The following DMD variants were observed in gnomAD, a reference collection of about 807,000 sequenced individuals.
DMD encodes dystrophin.
In DMD, 63 loss-of-function variants were observed where a neutral mutation model predicts 330.1. That is an observed-to-expected ratio of 0.19 (90% confidence interval 0.16 to 0.24). DMD has a LOEUF of 0.24. Ranked by LOEUF, DMD falls within the 10% of genes least tolerant of loss-of-function variation. DMD has a pLI of 1.00. For missense variants in DMD, 3,344 were observed against 2,684.1 expected (o/e 1.25, Z -5.43); for synonymous variants, 1,223 against 959.8 (o/e 1.27, Z -5.07).
At chrX:31,714,125 C>T (rs5025352) in intron 52 of DMD, among the ~76,000 whole-genome samples, 6,430 of 111,215 alleles carry the variant, frequency 0.058, 359 homozygotes, top group Admixed American at 0.26. Flanking sequence ...CTGCCATAAG[C>T]TTGAAGGTGA....
chrX:33,179,872 G>T (rs1184845019), intron 1 of DMD, among the ~76,000 whole-genome samples: 1 of 101,292 alleles, frequency 9.9e-6, no homozygotes, highest in Non-Finnish European at 2.0e-5. Context: ...ATGGAGTTTC[G>T]CTCTTGTCGC....
At chrX:32,746,095 CTT>C (rs1386577818) in intron 7 of DMD, among the ~76,000 whole-genome samples, 1 of 112,213 alleles carries the variant, frequency 8.9e-6, no homozygotes, top group African/African-American at 3.2e-5. Flanking sequence ...TTGAAAGTCT[CTT>C]ATCATTCTAC....
chrX:32,886,463 T>G (rs1458002567), intron 2 of DMD, among the ~76,000 whole-genome samples: 5 of 110,252 alleles, frequency 4.5e-5, no homozygotes, highest in African/African-American at 1.6e-4. Context: ...GTGGGAAGAT[T>G]ACAAGGTCAG....
At chrX:31,920,488 G>A (rs1458749670) in intron 47 of DMD, among the ~76,000 whole-genome samples, 1 of 111,975 alleles carries the variant, frequency 8.9e-6, no homozygotes, top group South Asian at 3.7e-4. Context: ...TCTAGTCTCA[G>A]GGTTGGTGCT....
intron 15 of DMD, 116 bp downstream of exon 15, chrX:32,573,414 T>C: frequency 1.6e-6 from 1 of 614,629 alleles, no homozygotes; most frequent in Non-Finnish European, 2.6e-6. Context: ...TTGAATAATC[T>C]ATGATCCAAG....
intron 1 of DMD, among the ~76,000 whole-genome samples, chrX:33,251,615 G>T (rs1413504660): frequency 8.9e-6 from 1 of 112,003 alleles, no homozygotes; most frequent in Non-Finnish European, 1.9e-5. Flanking sequence ...CAGGTATATA[G>T]TGTTACATGC....
intron 54 of DMD, among the ~76,000 whole-genome samples, chrX:31,638,752 T>C (rs1291699307): frequency 8.9e-6 from 1 of 112,579 alleles, no homozygotes; most frequent in Non-Finnish European, 1.9e-5. Flanking sequence ...CTTCAATAAA[T>C]GGGTTCATAT....
intron 11 of DMD, among the ~76,000 whole-genome samples, chrX:32,620,905 A>G (rs1346379150): frequency 1.8e-5 from 2 of 112,064 alleles, no homozygotes; most frequent in Non-Finnish European, 3.8e-5. Context: ...CAGAACACAC[A>G]GCCTAAGAGT....
chrX:33,198,509 T>A (rs2051085286), intron 1 of DMD, among the ~76,000 whole-genome samples: 1 of 111,722 alleles, frequency 9.0e-6, no homozygotes, highest in South Asian at 3.7e-4. Flanking sequence ...TTAACCAAAA[T>A]GAAAGTGCTT....
intron 43 of DMD, among the ~76,000 whole-genome samples, chrX:32,231,235 G>A (rs771995663): frequency 8.9e-6 from 1 of 112,539 alleles, no homozygotes; most frequent in East Asian, 2.8e-4. Flanking sequence ...AGGAAAATGA[G>A]ATGAAAAAGC....
intron 44 of DMD, among the ~76,000 whole-genome samples, chrX:32,034,790 TG>T (rs1297571333): frequency 8.9e-6 from 1 of 111,805 alleles, no homozygotes; most frequent in Non-Finnish European, 1.9e-5. Context: ...GTAAATGTTC[TG>T]GTAAAGGAAG....
chrX:32,880,111 C>T (rs2083772068), intron 2 of DMD, among the ~76,000 whole-genome samples: 1 of 111,311 alleles, frequency 9.0e-6, no homozygotes, highest in African/African-American at 3.3e-5. Flanking sequence ...ATCCCCAGTC[C>T]ACCTTTCCCG....
intron 7 of DMD, among the ~76,000 whole-genome samples, chrX:32,751,548 G>A (rs1389430204): frequency 1.8e-5 from 2 of 111,849 alleles, no homozygotes; most frequent in Non-Finnish European, 3.8e-5. Flanking sequence ...GGGAAACAGA[G>A]CATAAAAGTT....
chrX:32,577,442 A>G (rs1445616538), intron 13 of DMD, among the ~76,000 whole-genome samples: 2 of 112,718 alleles, frequency 1.8e-5, no homozygotes, highest in African/African-American at 6.5e-5. Context: ...ACTTGGCTAA[A>G]TGTCTGTCGA....
chrX:31,132,257 A>G (rs771139736), intron 77 of DMD, among the ~76,000 whole-genome samples: 2 of 112,414 alleles, frequency 1.8e-5, no homozygotes, highest in East Asian at 2.8e-4. Flanking sequence ...GCTAAATACC[A>G]TATCAGAGGA....
intron 67 of DMD, among the ~76,000 whole-genome samples, chrX:31,202,366 CATCT>C (rs1298304748): frequency 3.6e-5 from 4 of 111,932 alleles, no homozygotes; most frequent in African/African-American, 1.3e-4. Flanking sequence ...TTGGATTGAT[CATCT>C]ATCTGCATTT....
At chrX:31,528,786 T>C (rs951325059) in intron 55 of DMD, among the ~76,000 whole-genome samples, 4 of 110,433 alleles carry the variant, frequency 3.6e-5, no homozygotes, top group Non-Finnish European at 5.7e-5. Context: ...GGTGATCCTA[T>C]AGTTCATTGT....
intron 26 of DMD, among the ~76,000 whole-genome samples, chrX:32,453,049 T>A (rs141372503): frequency 1.8e-5 from 2 of 111,182 alleles, no homozygotes; most frequent in South Asian, 7.5e-4. Context: ...GCTCTATAAG[T>A]CAAGTTTTTC....
At chrX:31,730,272 C>T (rs2086404581) in intron 51 of DMD, among the ~76,000 whole-genome samples, 1 of 111,699 alleles carries the variant, frequency 9.0e-6, no homozygotes, top group African/African-American at 3.3e-5. Context: ...TTCTCCTAAG[C>T]TGCCTGTCCG....
Sources: allele counts gnomAD v4.1 joint callset (sites outside exome capture counted in the v4.1 genomes callset), GRCh38; gene constraint gnomAD v4.1.1; transcripts MANE v1.5; gene names NCBI Gene and HGNC (gene_info 2026-07-23, HGNC 2026-07-21).